The following CSMD1 variants were observed in gnomAD, a reference collection of about 807,000 sequenced individuals.
CSMD1 encodes CUB and Sushi multiple domains 1, also known as CUB and sushi domain-containing protein 1.
Under a neutral mutation model 417.5 loss-of-function variants are expected in CSMD1, and 213 were observed. The observed-to-expected ratio is 0.51, with a 90% CI of 0.46 to 0.57. The LOEUF is 0.57. Among genes scored for constraint, CSMD1 ranks in the 20% least tolerant of loss-of-function variants. CSMD1 has a pLI of 0.00. For missense variants in CSMD1, 6,923 were observed against 4,529.7 expected, an observed-to-expected ratio of 1.53 and a Z score of -15.17; for synonymous variants, 2,862 against 1,736.8, an observed-to-expected ratio of 1.65 and a Z score of -16.11.
intron 21 of CSMD1, among the ~76,000 whole-genome samples, chr8:3,352,213 T>A (rs576914202): frequency 6.6e-6 from 1 of 152,266 alleles, no homozygotes; most frequent in African/African-American, 2.4e-5. Flanking sequence ...AGGATGTTTT[T>A]ATGATTTTAT....
intron 2 of CSMD1, among the ~76,000 whole-genome samples, chr8:4,519,233 T>A (rs1305321851): frequency 3.9e-5 from 6 of 152,146 alleles, no homozygotes; most frequent in Non-Finnish European, 8.8e-5. Flanking sequence ...TGTTGCCTTC[T>A]CAATGCATAC....
intron 5 of CSMD1, among the ~76,000 whole-genome samples, chr8:3,757,082 C>A (rs1295047512): frequency 6.6e-6 from 1 of 152,134 alleles, no homozygotes; most frequent in Admixed American, 6.5e-5. Flanking sequence ...GGATTACAGG[C>A]GTGAACCACT....
Position 4,888,788 on chromosome 8 carries a change from C to T in CSMD1, c.85+105544G>A, listed in dbSNP as rs568366894. ...AAGAACATTTCCAAAAATCACAGGA[C>T]ATATCAAAAGGTCACAAAGGCCAAC... On this transcript the variant is annotated intron_variant, in intron 1 of 69. Transcript: ENST00000635120. 3.3e-5 allele frequency among the ~76,000 whole-genome samples: 5 copies of T among 152,030 alleles called. No homozygotes were observed. The South Asian group carries it at 6.2e-4, about 19-fold the overall frequency.
chr8:4,304,369 G>C (rs1175574748), intron 3 of CSMD1, among the ~76,000 whole-genome samples: 3 of 152,094 alleles, frequency 2.0e-5, no homozygotes, highest in East Asian at 3.9e-4. Context: ...GATTATCAAA[G>C]TGAGCTCATG....
chr8:3,343,639 A>G (rs971238651), intron 22 of CSMD1, among the ~76,000 whole-genome samples, 189 bp from the exon 23 acceptor site: 7 of 152,216 alleles, frequency 4.6e-5, no homozygotes, highest in African/African-American at 1.7e-4. Context: ...TATCTTTACC[A>G]TTAACACTGG....
At chr8:4,453,811 T>TTTA (rs1799298978) in intron 2 of CSMD1, among the ~76,000 whole-genome samples, 2 of 111,688 alleles carry the variant, frequency 1.8e-5, no homozygotes, top group Non-Finnish European at 3.7e-5. Flanking sequence ...GCGCAATTCG[T>TTTA]TTCTTTTTTT....
chr8:4,406,469 C>A (rs902032001), intron 3 of CSMD1, among the ~76,000 whole-genome samples: 1 of 152,148 alleles, frequency 6.6e-6, no homozygotes, highest in Admixed American at 6.5e-5. Flanking sequence ...TACTCATCAT[C>A]CTCTGGGCAT....
intron 10 of CSMD1, among the ~76,000 whole-genome samples, chr8:3,563,398 TA>T (rs200586505): frequency 1.0e-4 from 5 of 49,146 alleles, no homozygotes; most frequent in African/African-American, 3.5e-4. Context: ...AGAAAAATTG[TA>T]AAAAAAAGTT....
chr8:4,523,574 G>C (rs563568418), intron 2 of CSMD1, among the ~76,000 whole-genome samples: 1 of 152,036 alleles, frequency 6.6e-6, no homozygotes. Flanking sequence ...AATTGTGGTT[G>C]CCTCAAATAA....
chr8:4,964,163 G>A (rs1809693937), intron 1 of CSMD1, among the ~76,000 whole-genome samples: 1 of 151,990 alleles, frequency 6.6e-6, no homozygotes, highest in Non-Finnish European at 1.5e-5. Context: ...TCAGGACCAA[G>A]GAGGAGATAA....
At position 3,678,403 on chromosome 8, in the gene CSMD1, C is replaced by G. The variant is rs550831083; in HGVS notation, c.1009+30011G>C. ...TACGTGATGAATGCACAAGTTTGAA[C>G]AGCCGATTCGATCAACTGGAAGAAA... On this transcript the variant is annotated intron_variant, in intron 7 of 69. Transcript: ENST00000635120. 5.3e-5 allele frequency among the ~76,000 whole-genome samples: 8 copies of G among 152,164 alleles called. No individual in the cohort carries two copies. The South Asian group carries it at 1.7e-3, about 32-fold the overall frequency.
chr8:3,303,615 A>C (rs1431118084), intron 25 of CSMD1, among the ~76,000 whole-genome samples: 1 of 152,232 alleles, frequency 6.6e-6, no homozygotes, highest in Non-Finnish European at 1.5e-5. Context: ...AGACAATTAC[A>C]CTGGCAGAAA....
intron 3 of CSMD1, among the ~76,000 whole-genome samples, chr8:4,248,466 A>C (rs1802845500): frequency 6.6e-6 from 1 of 152,184 alleles, no homozygotes; most frequent in Admixed American, 6.5e-5. Context: ...TAAAAAGGTC[A>C]GTCGTTACTT....
chr8:4,430,845 T>C (rs750238611), intron 2 of CSMD1, among the ~76,000 whole-genome samples: 8 of 152,142 alleles, frequency 5.3e-5, no homozygotes, highest in Non-Finnish European at 1.2e-4. Flanking sequence ...TTCACTCCAG[T>C]GTTGTCCCCT....
At chr8:3,100,602 AC>A (rs1244465471) in intron 46 of CSMD1, among the ~76,000 whole-genome samples, 1 of 152,130 alleles carries the variant, frequency 6.6e-6, no homozygotes, top group East Asian at 1.9e-4. Flanking sequence ...TCAAAAACAC[AC>A]GTGAAAGCTT....
chr8:3,535,799 G>A (rs1563131266), intron 10 of CSMD1, among the ~76,000 whole-genome samples: 2 of 152,092 alleles, frequency 1.3e-5, no homozygotes, highest in Admixed American at 6.5e-5. Context: ...ATTCCCAAGG[G>A]CTGGATTCCT....
At chr8:4,197,245 G>A (rs62503968) in intron 3 of CSMD1, among the ~76,000 whole-genome samples, 25,800 of 152,084 alleles carry the variant, frequency 0.17, 2,311 homozygotes, top group South Asian at 0.22. Context: ...AGATAATTTC[G>A]TATAACCAGA....
At chr8:3,317,158 C>G (rs1805828233) in intron 23 of CSMD1, among the ~76,000 whole-genome samples, 1 of 152,154 alleles carries the variant, frequency 6.6e-6, no homozygotes, top group Non-Finnish European at 1.5e-5. Flanking sequence ...GGAGAATCAT[C>G]AGCATTGTTG....
chr8:4,286,704 G>C (rs1020239018), intron 3 of CSMD1, among the ~76,000 whole-genome samples: 4 of 152,166 alleles, frequency 2.6e-5, no homozygotes, highest in Admixed American at 1.3e-4. Context: ...TCAAACAAGA[G>C]AATGTATGCA....
Sources: allele counts gnomAD v4.1 joint callset (sites outside exome capture counted in the v4.1 genomes callset), GRCh38; gene constraint gnomAD v4.1.1; transcripts MANE v1.5; gene names NCBI Gene and HGNC (gene_info 2026-07-23, HGNC 2026-07-21).